NMT2: variants seen among roughly 807,000 people sequenced by gnomAD.
NMT2 encodes N-myristoyltransferase 2.
A neutral mutation model predicts 65.4 loss-of-function variants in NMT2; 35 were observed. The ratio of observed to expected loss-of-function variants is 0.54; its 90% CI spans 0.41 to 0.71. The LOEUF (loss-of-function observed/expected upper bound fraction) is 0.71. Ranked by LOEUF, NMT2 falls within the 30% of genes least tolerant of loss-of-function variation. The probability of loss-of-function intolerance (pLI) is 0.00; values close to 1 mark genes in which losing one functional copy is unlikely to be tolerated. For missense variants in NMT2, 489 were observed against 611.3 expected, an observed-to-expected ratio of 0.80 and a Z score of 2.11; for synonymous variants, 226 against 231.8, an observed-to-expected ratio of 0.98 and a Z score of 0.23.
chr10:15,115,107 C>T (rs1845702041), intron 9 of NMT2, among the ~76,000 whole-genome samples: 1 of 152,010 alleles, frequency 6.6e-6, no homozygotes, highest in Admixed American at 6.6e-5. Context: ...TACCCTGAGA[C>T]TGGCTAAAGG....
At chr10:15,144,084 T>A (rs1846872384) in intron 1 of NMT2, among the ~76,000 whole-genome samples, 1 of 152,080 alleles carries the variant, frequency 6.6e-6, no homozygotes, top group African/African-American at 2.4e-5. Context: ...ACATCAAAAC[T>A]TTTTTTTCTT....
intron 10 of NMT2, among the ~76,000 whole-genome samples, chr10:15,112,268 C>T (rs1233276593): frequency 1.9e-5 from 2 of 103,736 alleles, no homozygotes; most frequent in East Asian, 6.3e-4. Context: ...GTTTCTGTCA[C>T]CCAGGCTGGA....
intron 2 of NMT2, chr10:15,141,214 A>G: frequency 1.3e-6 from 1 of 783,102 alleles, no homozygotes; most frequent in Non-Finnish European, 2.0e-6. Context: ...AGGTATCCAC[A>G]CACACACAAA....
chr10:15,119,439 G>A lies in NMT2; in HGVS notation c.1074C>T (p.Tyr358=). 1.2e-6 allele frequency: 2 copies of A among 1,614,066 alleles called. No individual in the cohort carries two copies. The highest frequency in any genetic ancestry group is 1.3e-5 in the African/African-American group (1 of 75,044). ...CTGGAGCCAGATGAAACTGCTTCAGGTAAGTGTTGATTAATTCTCGAACTG... is the reference window on the plus strand; with the variant it reads ...CTGGAGCCAGATGAAACTGCTTCAGATAAGTGTTGATTAATTCTCGAACTG... ...IKSVRELINT[Y]LKQFHLAPVM... is the part of the protein sequence containing the mutation. The change falls in exon 9 of 12, where the codon TAC becomes TAT. Residue 358 remains tyrosine (Y), a synonymous_variant. Coordinates refer to ENST00000378165, the MANE Select transcript of NMT2 (RefSeq NM_004808.3).
At position 15,128,349 on chromosome 10, in the gene NMT2, C is replaced by A. The variant is rs1260697962; in HGVS notation, c.999+1G>T. 6.6e-7 allele frequency: 1 copy of A among 1,513,024 alleles called. No homozygotes were observed. The highest frequency in any genetic ancestry group is 1.1e-5 in the South Asian group (1 of 88,090). The allele number at this position is 1,513,024 out of a possible 1,614,324, so 93.7% of individuals were successfully genotyped here. A position where few individuals can be genotyped will look rare whatever the true frequency, so the allele number is the denominator to read the frequency against. ...AAAAACTGCAAATCATTCTTACTTACATCTGGAAGTCTGTATAGCTTCATT... is the reference window on the plus strand; with the variant it reads ...AAAAACTGCAAATCATTCTTACTTAAATCTGGAAGTCTGTATAGCTTCATT... On this transcript the variant is annotated splice_donor_variant, in intron 8 of 11. Transcript: ENST00000378165. LOFTEE classifies it high-confidence loss of function.
At chr10:15,122,650 A>G (rs1845963604) in intron 8 of NMT2, among the ~76,000 whole-genome samples, 1 of 152,126 alleles carries the variant, frequency 6.6e-6, no homozygotes, top group Non-Finnish European at 1.5e-5. Context: ...CGATCTCCTG[A>G]CCTTGTGATC....
In NMT2 at chr10:15,107,613, A is replaced by G; in HGVS notation, c.*1582T>C. The stretch of plus-strand genomic sequence containing the variant: ...ATTACAGGCACCCGCCACCACACCC[A>G]GCTAGTTCTTTTTGAATTTTTAGTA... On this transcript the variant is annotated 3_prime_UTR_variant, in exon 12 of 12. Transcript: ENST00000378165. 2.3e-6 allele frequency: 1 copy of G among 427,846 alleles called. No individual in the cohort carries two copies. Among genetic ancestry groups the G allele is most frequent in the Non-Finnish European group, 3.1e-6 (1 of 320,916 alleles). The allele number at this position is 427,846 out of a possible 1,614,324, so 26.5% of individuals were successfully genotyped here. A position where few individuals can be genotyped will look rare whatever the true frequency, so the allele number is the denominator to read the frequency against.
At chr10:15,109,600 G>A in intron 11 of NMT2, 102 bp downstream of exon 11, 1 of 900,978 alleles carries the variant, frequency 1.1e-6, no homozygotes, top group Non-Finnish European at 1.6e-6. Context: ...TAAATAAAAT[G>A]AACAAAAATA....
intron 2 of NMT2, among the ~76,000 whole-genome samples, chr10:15,139,297 C>CTATCT (rs1564577442): frequency 3.4e-5 from 4 of 118,190 alleles, no homozygotes; most frequent in South Asian, 2.7e-4. Context: ...TCTATCTATC[C>CTATCT]ATCCATCCAT....
At chr10:15,165,222 A>G (rs1487951565) in intron 1 of NMT2, among the ~76,000 whole-genome samples, 1 of 151,920 alleles carries the variant, frequency 6.6e-6, no homozygotes, top group African/African-American at 2.4e-5. Context: ...CACCCATAGC[A>G]GAACAGAAAT....
intron 1 of NMT2, among the ~76,000 whole-genome samples, chr10:15,157,273 G>C (rs1564591097): frequency 6.6e-6 from 1 of 152,178 alleles, no homozygotes; most frequent in African/African-American, 2.4e-5. Context: ...TTCAGTCCTC[G>C]ACTCCAACCA....
intron 1 of NMT2, among the ~76,000 whole-genome samples, chr10:15,144,247 T>C (rs756043797): frequency 1.6e-4 from 24 of 152,182 alleles, no homozygotes; most frequent in Non-Finnish European, 2.8e-4. Context: ...GGCACTAAGT[T>C]GGTCATCCCA....
chr10:15,165,958 C>T (rs546149146), intron 1 of NMT2, among the ~76,000 whole-genome samples: 1 of 151,626 alleles, frequency 6.6e-6, no homozygotes, highest in South Asian at 2.1e-4. Flanking sequence ...ATACTTACGC[C>T]ATTGCTTTTA....
intron 8 of NMT2, among the ~76,000 whole-genome samples, chr10:15,121,159 C>A (rs891311459): frequency 6.6e-6 from 1 of 152,108 alleles, no homozygotes; most frequent in Non-Finnish European, 1.5e-5. Context: ...ATTTTTCCCC[C>A]CCTTGGAGAA....
At chr10:15,137,258 G>A (rs1846546197) in intron 2 of NMT2, among the ~76,000 whole-genome samples, 1 of 152,088 alleles carries the variant, frequency 6.6e-6, no homozygotes, top group African/African-American at 2.4e-5. Flanking sequence ...ACGAAGTTCT[G>A]AAGTCCAGCT....
chr10:15,131,253 G>A (rs899687895), intron 6 of NMT2, among the ~76,000 whole-genome samples: 1 of 151,290 alleles, frequency 6.6e-6, no homozygotes, highest in African/African-American at 2.4e-5. Context: ...TGGGACTTTG[G>A]TCCATTATAC....
chr10:15,119,414 C>T lies in NMT2; in HGVS notation c.1099G>A (p.Val367Met). 1 of 1,614,216 alleles carries T rather than the reference C, an allele frequency of 6.2e-7. No homozygotes were observed. Among genetic ancestry groups the T allele is most frequent in the Non-Finnish European group, 8.5e-7 (1 of 1,180,038 alleles). ...TGGGCTACTTCCTCTTCATCCATCACTGGAGCCAGATGAAACTGCTTCAGG... is the reference window on the plus strand; with the variant it reads ...TGGGCTACTTCCTCTTCATCCATCATTGGAGCCAGATGAAACTGCTTCAGG... Reference protein sequence around the residue: ...TYLKQFHLAPVMDEEEVAHWF... With the variant: ...TYLKQFHLAPMMDEEEVAHWF... The change falls in exon 9 of 12, where the codon GTG (valine) becomes ATG (methionine). Residue 367 changes from valine to methionine, a missense_variant. Coordinates refer to ENST00000378165, the MANE Select transcript of NMT2 (RefSeq NM_004808.3).
At chr10:15,138,004 C>CTTTT (rs374744946) in intron 2 of NMT2, among the ~76,000 whole-genome samples, 33 of 128,090 alleles carry the variant, frequency 2.6e-4, no homozygotes, top group Non-Finnish European at 4.1e-4. Context: ...TCTTCTTCTT[C>CTTTT]TTTTTTTTTT....
At chr10:15,112,218 T>TATATATATA (rs1564557605) in intron 10 of NMT2, among the ~76,000 whole-genome samples, 1 of 9,518 alleles carries the variant, frequency 1.1e-4, no homozygotes, top group African/African-American at 3.1e-4. Context: ...ATATATATAT[T>TATATATATA]TTTTTTTTTT....
Sources: gnomAD v4.1 joint callset for allele counts (sites outside exome capture counted in the v4.1 genomes callset) on GRCh38, gnomAD v4.1.1 for gene constraint, MANE v1.5 for transcripts, NCBI Gene and HGNC (gene_info 2026-07-23, HGNC 2026-07-21) for gene names.